FHIT: variants seen among roughly 807,000 people sequenced by gnomAD.
FHIT encodes the protein bis(5'-adenosyl)-triphosphatase.
A neutral mutation model predicts 17.9 loss-of-function variants in FHIT; 19 were observed. The ratio of observed to expected loss-of-function variants is 1.06; its 90% CI spans 0.74 to 1.56. The LOEUF (loss-of-function observed/expected upper bound fraction) is 1.56. FHIT is among the 40% of genes most tolerant of loss of function. FHIT has a pLI of 0.00. For synonymous variants in FHIT, 81 were observed against 69.7 expected (o/e 1.16, Z -0.81); for missense variants, 248 against 189.2 (o/e 1.31, Z -1.82).
At chr3:59,922,271 T>C in intron 8 of FHIT, 75 bp downstream of exon 8, 1 of 1,234,210 alleles carries the variant, frequency 8.1e-7, no homozygotes, top group Non-Finnish European at 1.2e-6. Context: ...AGGGTAATAC[T>C]TGATTCATTA....
chr3:60,327,511 A>G (rs1452770717), intron 5 of FHIT, among the ~76,000 whole-genome samples: 1 of 152,214 alleles, frequency 6.6e-6, no homozygotes, highest in Non-Finnish European at 1.5e-5. Context: ...CAGCCAGAGG[A>G]CCAGATGTGG....
intron 4 of FHIT, among the ~76,000 whole-genome samples, chr3:60,680,849 C>G (rs2040729878): frequency 6.6e-6 from 1 of 152,116 alleles, no homozygotes; most frequent in Non-Finnish European, 1.5e-5. Context: ...CCCCATTTTA[C>G]TTTTTTTGCT....
chr3:59,772,504 C>CCATTT (rs1354367108), intron 8 of FHIT, among the ~76,000 whole-genome samples: 1 of 152,124 alleles, frequency 6.6e-6, no homozygotes, highest in Non-Finnish European at 1.5e-5. Context: ...GTTACTATCC[C>CCATTT]CATTTCAGAC....
At chr3:60,480,049 G>C (rs1332090247) in intron 5 of FHIT, among the ~76,000 whole-genome samples, 2 of 152,164 alleles carry the variant, frequency 1.3e-5, no homozygotes, top group South Asian at 2.1e-4. Flanking sequence ...GAAGAGAAGA[G>C]GCTTAATTGA....
chr3:60,438,572 T>C (rs386599), intron 5 of FHIT, among the ~76,000 whole-genome samples: 16,749 of 152,154 alleles, frequency 0.11, 1,037 homozygotes, highest in Middle Eastern at 0.22. Flanking sequence ...CTTTGCTGTG[T>C]CTTGTTTAAT....
chr3:60,726,497 A>C (rs2041919030), intron 4 of FHIT, among the ~76,000 whole-genome samples: 1 of 152,166 alleles, frequency 6.6e-6, no homozygotes, highest in African/African-American at 2.4e-5. Flanking sequence ...GTTTTCCCAG[A>C]TGGGTAGTGG....
chr3:61,058,041 C>T (rs887055087), intron 2 of FHIT, among the ~76,000 whole-genome samples: 2 of 151,792 alleles, frequency 1.3e-5, no homozygotes, highest in Non-Finnish European at 2.9e-5. Context: ...CTAGCAAGTT[C>T]TTTAATATCA....
chr3:60,534,278 A>C (rs2035895166), intron 5 of FHIT, among the ~76,000 whole-genome samples: 1 of 148,016 alleles, frequency 6.8e-6, no homozygotes, highest in African/African-American at 2.5e-5. Flanking sequence ...ATACAAAAAA[A>C]AAAAATTAGC....
chr3:61,094,921 T>C (rs1331567879), intron 2 of FHIT, among the ~76,000 whole-genome samples: 1 of 152,214 alleles, frequency 6.6e-6, no homozygotes, highest in East Asian at 1.9e-4. Flanking sequence ...CATTGTTTAT[T>C]TCTGGAATTT....
intron 8 of FHIT, among the ~76,000 whole-genome samples, chr3:59,837,931 C>G (rs1228548288): frequency 3.3e-5 from 5 of 152,044 alleles, no homozygotes; most frequent in Non-Finnish European, 7.4e-5. Flanking sequence ...TTGTAAAGAG[C>G]CTAGAACAGT....
chr3:60,660,729 CTTTTTTT>C, intron 4 of FHIT, among the ~76,000 whole-genome samples: 3 of 37,278 alleles, frequency 8.0e-5, no homozygotes, highest in Admixed American at 4.0e-4. Flanking sequence ...TTATTGTGCT[CTTTTTTT>C]TTTTTTTTTT....
intron 4 of FHIT, among the ~76,000 whole-genome samples, chr3:60,560,375 G>A (rs1459416408): frequency 2.0e-5 from 3 of 152,054 alleles, no homozygotes; most frequent in African/African-American, 7.2e-5. Context: ...TACGGTCAGA[G>A]ATTGGGATTG....
At chr3:61,018,400 C>T (rs1298868583) in intron 3 of FHIT, among the ~76,000 whole-genome samples, 1 of 152,232 alleles carries the variant, frequency 6.6e-6, no homozygotes, top group Non-Finnish European at 1.5e-5. Context: ...ATTTAAGTGT[C>T]ATGCACATTA....
chr3:59,880,183 C>G (rs1703350430), intron 8 of FHIT, among the ~76,000 whole-genome samples: 1 of 152,156 alleles, frequency 6.6e-6, no homozygotes, highest in Non-Finnish European at 1.5e-5. Flanking sequence ...CTGCCTGTCC[C>G]CTCTGCTCGT....
chr3:60,903,354 T>C (rs1291352980), intron 3 of FHIT, among the ~76,000 whole-genome samples: 1 of 152,204 alleles, frequency 6.6e-6, no homozygotes, highest in Non-Finnish European at 1.5e-5. Context: ...CATTTAACAT[T>C]CTAAATATCA....
At chr3:60,595,736 T>C (rs571197364) in intron 4 of FHIT, among the ~76,000 whole-genome samples, 135 of 152,088 alleles carry the variant, frequency 8.9e-4, no homozygotes, top group Non-Finnish European at 1.4e-3. Flanking sequence ...CTCAAACTCC[T>C]GGGCTCAAGT....
At chr3:60,728,262 A>G (rs1553710123) in intron 4 of FHIT, among the ~76,000 whole-genome samples, 2 of 152,206 alleles carry the variant, frequency 1.3e-5, no homozygotes, top group African/African-American at 4.8e-5. Context: ...ACTCAACTTT[A>G]TCTTCTACTC....
chr3:60,904,443 G>A lies in FHIT; in HGVS notation c.-110-82432C>T, dbSNP rs548553375. ...AGAGAATTTCTGTACAACTAGATGTGGGGAAAGCCTTTCTAACTATAACTC... is the reference window on the plus strand; with the variant it reads ...AGAGAATTTCTGTACAACTAGATGTAGGGAAAGCCTTTCTAACTATAACTC... On this transcript the variant is annotated intron_variant, in intron 3 of 9. Transcript: ENST00000492590. Among the ~76,000 whole-genome samples the A allele has an allele frequency of 3.2e-4, 48 of 150,354 alleles. 1 individual carries two copies. Among genetic ancestry groups the A allele is most frequent in the Non-Finnish European group, 5.7e-4 (39 of 67,852 alleles).
chr3:59,829,929 TA>T (rs974497938), intron 8 of FHIT, among the ~76,000 whole-genome samples: 26 of 149,518 alleles, frequency 1.7e-4, no homozygotes, highest in African/African-American at 3.2e-4. Context: ...TCTACAAAAA[TA>T]AAAAAAAAAT....
Sources: allele counts gnomAD v4.1 joint callset (sites outside exome capture counted in the v4.1 genomes callset), GRCh38; gene constraint gnomAD v4.1.1; transcripts MANE v1.5; gene names NCBI Gene and HGNC (gene_info 2026-07-23, HGNC 2026-07-21).